NCALD: variants seen among roughly 807,000 people sequenced by gnomAD.
NCALD encodes the protein neurocalcin delta, also known as neurocalcin-delta.
NCALD carries 10 observed loss-of-function variants against 18.6 expected under a neutral mutation model. The ratio of observed to expected loss-of-function variants is 0.54; its 90% CI spans 0.33 to 0.91. The LOEUF is 0.91. Among genes scored for constraint, NCALD ranks in the 40% least tolerant of loss-of-function variants. The pLI, the probability that NCALD is intolerant of heterozygous loss-of-function variation, is 0.03. For missense variants in NCALD, 184 were observed against 247.6 expected, an observed-to-expected ratio of 0.74 and a Z score of 1.72; for synonymous variants, 88 against 87.4, an observed-to-expected ratio of 1.01 and a Z score of -0.04.
At chr8:101,848,798 A>G (rs1418178367) in intron 4 of NCALD, among the ~76,000 whole-genome samples, 1 of 152,192 alleles carries the variant, frequency 6.6e-6, no homozygotes, top group Non-Finnish European at 1.5e-5. Flanking sequence ...CATTGCTTCT[A>G]AGAATTTTAA....
At chr8:101,879,203 T>A (rs1160045906) in intron 4 of NCALD, among the ~76,000 whole-genome samples, 1 of 152,156 alleles carries the variant, frequency 6.6e-6, no homozygotes, top group Non-Finnish European at 1.5e-5. Flanking sequence ...GGGTTCTTGG[T>A]CTCACTGACT....
At chr8:102,102,979 G>A (rs1025291733) in intron 1 of NCALD, among the ~76,000 whole-genome samples, 1 of 152,150 alleles carries the variant, frequency 6.6e-6, no homozygotes, top group Non-Finnish European at 1.5e-5. Context: ...TGCTCAAGAC[G>A]CTGATTGATA....
At chr8:102,116,216 C>A (rs1825780301) in intron 1 of NCALD, among the ~76,000 whole-genome samples, 3 of 152,028 alleles carry the variant, frequency 2.0e-5, no homozygotes, top group Admixed American at 6.5e-5. Context: ...ATGTAACAAA[C>A]CTGCACGTTG....
In NCALD at chr8:101,690,878, C is replaced by G. The variant is rs576250880; in HGVS notation, c.485-1472G>C. 4 of 985,332 alleles carry G rather than the reference C, an allele frequency of 4.1e-6. No homozygotes were observed. In the African/African-American group the frequency reaches 5.2e-5, roughly 13 times the overall value. 61.0% of individuals were successfully genotyped at this position (985,332 alleles called of 1,614,324 possible). On this transcript the variant is annotated intron_variant, in intron 3 of 3. Transcript: ENST00000220931. ...GAACACTTTGCAGTCTCTCAGGGGT[C>G]GGCTCTGGGAGGCACCAGCTGGAGG...
intron 2 of NCALD, among the ~76,000 whole-genome samples, chr8:101,709,253 A>C (rs988399098): frequency 2.6e-5 from 4 of 152,196 alleles, no homozygotes; most frequent in Non-Finnish European, 5.9e-5. Flanking sequence ...TGTACACCCT[A>C]CGGAGAGGAT....
intron 1 of NCALD, among the ~76,000 whole-genome samples, chr8:102,096,238 G>A (rs1379054098): frequency 6.6e-5 from 10 of 152,166 alleles, no homozygotes; most frequent in Non-Finnish European, 2.9e-5. Context: ...ACAACCACAG[G>A]GTTGGTTTCT....
At chr8:102,084,410 A>G (rs1824663348) in intron 1 of NCALD, among the ~76,000 whole-genome samples, 1 of 152,234 alleles carries the variant, frequency 6.6e-6, no homozygotes, top group South Asian at 2.1e-4. Flanking sequence ...AGAAGTTTAG[A>G]GCAGAAACGA....
chr8:101,741,764 A>C (rs1810196107), intron 1 of NCALD, among the ~76,000 whole-genome samples: 2 of 10,786 alleles, frequency 1.9e-4, no homozygotes, highest in African/African-American at 3.9e-4. Flanking sequence ...TCATCTCTAC[A>C]AAAAAAAAAA....
At chr8:101,839,987 T>C (rs1412025592) in intron 4 of NCALD, among the ~76,000 whole-genome samples, 2 of 151,962 alleles carry the variant, frequency 1.3e-5, no homozygotes, top group African/African-American at 2.4e-5. Flanking sequence ...ATTAGATGTA[T>C]AGTGCATCTT....
chr8:102,088,986 C>G (rs1824834562), intron 1 of NCALD, among the ~76,000 whole-genome samples: 1 of 152,102 alleles, frequency 6.6e-6, no homozygotes, highest in African/African-American at 2.4e-5. Context: ...AAAACTGGGA[C>G]CCTTAATTTT....
chr8:102,095,720 A>G (rs1370633755), intron 1 of NCALD, among the ~76,000 whole-genome samples: 6 of 152,224 alleles, frequency 3.9e-5, no homozygotes, highest in Non-Finnish European at 8.8e-5. Flanking sequence ...AGATAATGGA[A>G]GTGAAAGGTA....
intron 4 of NCALD, among the ~76,000 whole-genome samples, chr8:101,812,036 T>C (rs943845434): frequency 6.6e-6 from 1 of 152,204 alleles, no homozygotes; most frequent in African/African-American, 2.4e-5. Flanking sequence ...GGATGGTTAA[T>C]TTACACAGCT....
intron 1 of NCALD, among the ~76,000 whole-genome samples, chr8:101,724,799 G>A (rs190991988): frequency 3.3e-5 from 5 of 152,224 alleles, no homozygotes; most frequent in African/African-American, 1.2e-4. Flanking sequence ...GAGCCTAACT[G>A]TGAGTGTGGG....
At chr8:101,917,012 T>G (rs76168991) in intron 2 of NCALD, among the ~76,000 whole-genome samples, 2 of 152,030 alleles carry the variant, frequency 1.3e-5, no homozygotes, top group Admixed American at 6.6e-5. Flanking sequence ...CAGACATCTA[T>G]AGAATACTCC....
At chr8:102,001,586 A>C (rs1821469608) in intron 2 of NCALD, among the ~76,000 whole-genome samples, 2 of 152,346 alleles carry the variant, frequency 1.3e-5, no homozygotes, top group Admixed American at 1.3e-4. Flanking sequence ...AGATTCACCA[A>C]AGTTGAAATG....
At chr8:101,855,995 G>T (rs529683997) in intron 4 of NCALD, among the ~76,000 whole-genome samples, 18 of 152,262 alleles carry the variant, frequency 1.2e-4, no homozygotes, top group Admixed American at 1.1e-3. Context: ...CACCCTCAGG[G>T]TTTAATCTCA....
intron 3 of NCALD, among the ~76,000 whole-genome samples, chr8:101,891,571 C>T (rs1022486423): frequency 1.9e-4 from 29 of 152,326 alleles, no homozygotes; most frequent in African/African-American, 6.3e-4. Context: ...ACGCAGAAGA[C>T]GGGTGATTTC....
chr8:102,108,939 A>G (rs16869115), intron 1 of NCALD, among the ~76,000 whole-genome samples: 2,628 of 152,326 alleles, frequency 0.017, 102 homozygotes, highest in African/African-American at 0.06. Context: ...AGGAATAACC[A>G]TGCGTGAATC....
At chr8:101,764,033 C>T (rs1469229800) in intron 1 of NCALD, among the ~76,000 whole-genome samples, 2 of 149,366 alleles carry the variant, frequency 1.3e-5, no homozygotes, top group African/African-American at 2.5e-5. Context: ...TGGTCTGTCT[C>T]TCAAGAGAAC....
Sources: gnomAD v4.1 joint callset for allele counts (sites outside exome capture counted in the v4.1 genomes callset) on GRCh38, gnomAD v4.1.1 for gene constraint, MANE v1.5 for transcripts, NCBI Gene and HGNC (gene_info 2026-07-23, HGNC 2026-07-21) for gene names.